The following TENM1 variants were observed in gnomAD, a reference collection of about 807,000 sequenced individuals.
TENM1 encodes the protein teneurin transmembrane protein 1, also known as teneurin-1.
TENM1 carries 35 observed loss-of-function variants against 174.8 expected under a neutral mutation model. The observed-to-expected ratio is 0.20, with a 90% CI of 0.15 to 0.27. The LOEUF (loss-of-function observed/expected upper bound fraction) is 0.27, where lower values mean the gene tolerates loss of function less well. Ranked by LOEUF, TENM1 falls within the 10% of genes least tolerant of loss-of-function variation. The probability of loss-of-function intolerance (pLI) is 1.00; values close to 1 mark genes in which losing one functional copy is unlikely to be tolerated. For synonymous variants in TENM1, 781 were observed against 798.7 expected, an observed-to-expected ratio of 0.98 and a Z score of 0.37; for missense variants, 1,633 against 2,130.1, an observed-to-expected ratio of 0.77 and a Z score of 4.59.
intron 18 of TENM1, among the ~76,000 whole-genome samples, chrX:124,519,584 C>T (rs960828093): frequency 1.8e-5 from 2 of 110,841 alleles, no homozygotes; most frequent in Non-Finnish European, 3.8e-5. Context: ...TCTACATGAG[C>T]TGCTTCCTGA....
intron 1 of TENM1, among the ~76,000 whole-genome samples, chrX:124,949,386 A>T (rs1039076623): frequency 8.9e-6 from 1 of 112,133 alleles, no homozygotes; most frequent in African/African-American, 3.2e-5. Context: ...TTACTATATG[A>T]CAGGGTTTAT....
intron 3 of TENM1, among the ~76,000 whole-genome samples, chrX:124,737,723 G>A (rs987840838): frequency 8.9e-6 from 1 of 112,516 alleles, no homozygotes; most frequent in African/African-American, 3.2e-5. Context: ...CAGCTCACGA[G>A]TGTGTCGCTT....
At position 124,900,425 on chromosome X, in the gene TENM1, A is replaced by ACT. The variant is rs1451749240; in HGVS notation, c.218-4186_218-4185dup. Among the ~76,000 whole-genome samples, 5 of 112,192 alleles carry ACT rather than the reference A, an allele frequency of 4.5e-5. No homozygotes were observed. In the South Asian group the frequency reaches 1.9e-3, roughly 42 times the overall value. On this transcript the variant is annotated intron_variant, in intron 1 of 31. Coordinates refer to ENST00000422452, the Ensembl canonical transcript of TENM1. ...GATGGATAACAAGGGACACAAAAAA[A>ACT]CTTTGGGGTGATCTAAATGTCCGTT... is the stretch of plus-strand genomic sequence containing the variant.
the TENM1 span, among the ~76,000 whole-genome samples, chrX:125,137,435 T>C: frequency 9.1e-6 from 1 of 109,487 alleles, no homozygotes. Flanking sequence ...TTTTTTTTTT[T>C]AATGTGTGGT....
intron 11 of TENM1, among the ~76,000 whole-genome samples, chrX:124,583,627 A>G (rs374973900): frequency 6.3e-5 from 7 of 111,728 alleles, no homozygotes; most frequent in African/African-American, 9.7e-5. Context: ...AAAGCAGAGC[A>G]CCTCTCCTCC....
chrX:124,900,400 G>A lies in TENM1; in HGVS notation c.218-4159C>T, dbSNP rs754327600. 7.1e-5 allele frequency among the ~76,000 whole-genome samples: 8 copies of A among 111,945 alleles called. No individual in the cohort carries two copies. The Admixed American group carries it at 7.6e-4, about 11-fold the overall frequency. On this transcript the variant is annotated intron_variant, in intron 1 of 31. Transcript: ENST00000422452. ...GCCTGGGGAAAAGGGTGGAGGGAGA[G>A]ATGGATAACAAGGGACACAAAAAAA... is the stretch of plus-strand genomic sequence containing the variant.
intron 11 of TENM1, among the ~76,000 whole-genome samples, chrX:124,583,256 C>A (rs1363605318): frequency 1.8e-5 from 2 of 111,590 alleles, no homozygotes; most frequent in Non-Finnish European, 3.8e-5. Context: ...GACCCCTGAC[C>A]CCCGAGCAGC....
chrX:124,614,839 C>T (rs188092788), intron 11 of TENM1, among the ~76,000 whole-genome samples: 84 of 112,161 alleles, frequency 7.5e-4, no homozygotes, highest in African/African-American at 2.6e-3. Flanking sequence ...GCGGAGATCA[C>T]GCCAATGCAC....
the TENM1 span, among the ~76,000 whole-genome samples, chrX:125,046,857 C>CGT: frequency 0.071 from 6,974 of 98,135 alleles, 353 homozygotes; most frequent in Admixed American, 0.24. Flanking sequence ...TGTGTGCATG[C>CGT]GTGTGTGTGT....
the TENM1 span, among the ~76,000 whole-genome samples, chrX:124,998,091 A>G: frequency 9.1e-5 from 7 of 77,045 alleles, no homozygotes; most frequent in Admixed American, 2.6e-4. Flanking sequence ...CATTTTAGAG[A>G]AAAAAAAAAA....
rs775660135 is a variant in TENM1, at chrX:124,572,747, C to T, written c.2078-7187G>A. On this transcript the variant is annotated intron_variant, in intron 11 of 31. Coordinates refer to ENST00000422452, the Ensembl canonical transcript of TENM1. ...ATATTGGGGACAGCAAATTAGAACA[C>T]GTACTTTTTTTTTCTAAATAAAAGG... Among the ~76,000 whole-genome samples, 89 of 110,666 alleles carry T rather than the reference C, an allele frequency of 8.0e-4. 1 individual carries two copies. Among genetic ancestry groups the T allele is most frequent in the Non-Finnish European group, 1.4e-3 (74 of 52,825 alleles).
intron 6 of TENM1, among the ~76,000 whole-genome samples, chrX:124,662,029 T>C (rs1192725508): frequency 1.8e-5 from 2 of 111,419 alleles, no homozygotes; most frequent in Admixed American, 1.9e-4. Context: ...TCCAATTTGA[T>C]GTCCCAGTTT....
intron 3 of TENM1, among the ~76,000 whole-genome samples, chrX:124,849,096 G>GA: frequency 9.0e-6 from 1 of 110,724 alleles, no homozygotes; most frequent in African/African-American, 3.3e-5. Context: ...ATAGATTCAG[G>GA]AAAAAGAAAC....
At position 124,384,350 on chromosome X, in the gene TENM1, T is replaced by C. The variant is rs746381137; in HGVS notation, c.6581A>G (p.Lys2194Arg). 168 of 1,209,271 alleles carry C rather than the reference T, an allele frequency of 1.4e-4. No homozygotes were observed. The highest frequency in any genetic ancestry group is 1.7e-4 in the Non-Finnish European group (155 of 894,917). ...TCGGAGAGGAGTAAGACGAGCACTC[T>C]TCCCATGGCTTAAGAGGTTGATGTT... The change falls in exon 30 of 32, where the codon AAG (lysine) becomes AGG (arginine). Residue 2194 changes from lysine (K) to arginine (R), a missense_variant. This residue lies in a region of TENM1 where 807 missense variants were observed against 1,125.3 expected (regional missense o/e 0.72). Coordinates refer to ENST00000422452, the Ensembl canonical transcript of TENM1.
chrX:124,677,136 C>T (rs1295229167), intron 5 of TENM1, among the ~76,000 whole-genome samples: 2 of 110,673 alleles, frequency 1.8e-5, no homozygotes, highest in East Asian at 5.6e-4. Flanking sequence ...ATTAATTTCA[C>T]CTGTTTCTTA....
At chrX:124,722,113 T>C (rs2053323684) in intron 4 of TENM1, among the ~76,000 whole-genome samples, 1 of 112,394 alleles carries the variant, frequency 8.9e-6, no homozygotes, top group African/African-American at 3.2e-5. Context: ...TAGACTGTCA[T>C]AGATAAAAAC....
intron 23 of TENM1, among the ~76,000 whole-genome samples, chrX:124,424,779 A>T (rs1454070792): frequency 9.1e-6 from 1 of 110,412 alleles, no homozygotes; most frequent in Non-Finnish European, 1.9e-5. Context: ...TTCTCATGAG[A>T]CGGGGTTGTT....
rs1362267743 is a variant in TENM1 at position 124,496,979 on chromosome X, C to T, written c.3695+37G>A. ...CATATTATCTTGCTTTTTGCTTTATCTGCTAAGCAAATATATAGAGATTAG... is the reference window on the plus strand; with the variant it reads ...CATATTATCTTGCTTTTTGCTTTATTTGCTAAGCAAATATATAGAGATTAG... On this transcript the variant is annotated intron_variant, in intron 20 of 31. Coordinates refer to ENST00000422452, the Ensembl canonical transcript of TENM1. 5 of 1,180,267 alleles carry T rather than the reference C, an allele frequency of 4.2e-6. No individual in the cohort carries two copies. The Admixed American group carries it at 9.2e-5, about 22-fold the overall frequency.
chrX:124,844,800 GATGGTAT>G (rs1268790729), intron 3 of TENM1, among the ~76,000 whole-genome samples: 1 of 111,741 alleles, frequency 8.9e-6, no homozygotes, highest in African/African-American at 3.3e-5. Flanking sequence ...AGTTGATGCA[GATGGTAT>G]TTATTTTAAT....
Sources: allele counts gnomAD v4.1 joint callset (sites outside exome capture counted in the v4.1 genomes callset), GRCh38; gene constraint gnomAD v4.1.1; regional missense constraint gnomAD v4.1.1; transcripts MANE v1.5; gene names NCBI Gene and HGNC (gene_info 2026-07-23, HGNC 2026-07-21).